Variants in PCDHA10 observed in about 807,000 individuals in gnomAD.
PCDHA10 encodes protocadherin alpha 10.
A neutral mutation model predicts 61.2 loss-of-function variants in PCDHA10; 45 were observed. The observed-to-expected ratio is 0.74, with a 90% CI of 0.58 to 0.94. The LOEUF (loss-of-function observed/expected upper bound fraction) is 0.94. Ranked by LOEUF, PCDHA10 falls within the 40% of genes least tolerant of loss-of-function variation. The probability of loss-of-function intolerance (pLI) is 0.00; values close to 1 mark genes in which losing one functional copy is unlikely to be tolerated. For synonymous variants in PCDHA10, 602 were observed against 548.8 expected, an observed-to-expected ratio of 1.10 and a Z score of -1.35; for missense variants, 1,278 against 1,236.2, an observed-to-expected ratio of 1.03 and a Z score of -0.51.
intron 1 of PCDHA10, among the ~76,000 whole-genome samples, chr5:140,898,172 G>A (rs1262400829): frequency 2.6e-5 from 4 of 152,162 alleles, no homozygotes; most frequent in African/African-American, 9.7e-5. Context: ...TTCTTTTGCT[G>A]TGCAGAAGCT....
chr5:140,935,057 G>A (rs2090168860), intron 1 of PCDHA10, among the ~76,000 whole-genome samples: 1 of 152,034 alleles, frequency 6.6e-6, no homozygotes, highest in Non-Finnish European at 1.5e-5. Flanking sequence ...ATTACAAGAT[G>A]TTCAGATTAT....
intron 1 of PCDHA10, chr5:140,875,435 A>G (rs1562696598): frequency 6.4e-7 from 1 of 1,563,788 alleles, no homozygotes; most frequent in East Asian, 2.3e-5. Context: ...GATCCCTTAA[A>G]ACTGATTGTC....
intron 1 of PCDHA10, among the ~76,000 whole-genome samples, chr5:140,885,154 T>C (rs1483016887): frequency 2.0e-5 from 3 of 152,168 alleles, no homozygotes; most frequent in African/African-American, 7.2e-5. Context: ...GTTTTGATTG[T>C]CTCTACTTTT....
At chr5:141,002,550 G>A (rs1458455103) in intron 3 of PCDHA10, among the ~76,000 whole-genome samples, 1 of 152,186 alleles carries the variant, frequency 6.6e-6, no homozygotes, top group African/African-American at 2.4e-5. Context: ...TGAGTCCCAG[G>A]ATCCACCAGT....
intron 1 of PCDHA10, among the ~76,000 whole-genome samples, chr5:140,886,261 T>C (rs1162814294): frequency 1.3e-5 from 2 of 152,036 alleles, no homozygotes; most frequent in African/African-American, 4.8e-5. Context: ...TCTCTATTTA[T>C]AGATAAAATT....
chr5:140,929,225 C>T (rs1249117880), intron 1 of PCDHA10: 2 of 1,613,724 alleles, frequency 1.2e-6, no homozygotes, highest in Non-Finnish European at 1.7e-6. Flanking sequence ...TACAATGCTG[C>T]CGACCTGCGA....
chr5:140,870,933 G>T, intron 1 of PCDHA10: 1 of 1,613,802 alleles, frequency 6.2e-7, no homozygotes, highest in Non-Finnish European at 8.5e-7. Flanking sequence ...CATATGAATT[G>T]CAGCCGGCGG....
At position 140,880,491 on chromosome 5, in the gene PCDHA10, A is replaced by G. The variant is rs570569134; in HGVS notation, c.2388+22055A>G. Among the ~76,000 whole-genome samples, 6 of 152,342 alleles carry G rather than the reference A, an allele frequency of 3.9e-5. No individual in the cohort carries two copies. In the South Asian group the frequency reaches 1.2e-3, roughly 32 times the overall value. On this transcript the variant is annotated intron_variant, in intron 1 of 3. Transcript: ENST00000307360. Reference sequence around the variant, plus strand: ...AGGAAAAATGACACAAGAAGAGAGCAATTGAATTTCTGTTTGGTCACATCT... The same window carrying G: ...AGGAAAAATGACACAAGAAGAGAGCGATTGAATTTCTGTTTGGTCACATCT...
intron 1 of PCDHA10, among the ~76,000 whole-genome samples, chr5:140,894,788 T>C (rs1217718306): frequency 2.0e-5 from 3 of 152,160 alleles, no homozygotes; most frequent in Admixed American, 1.3e-4. Flanking sequence ...TTATTTGTCC[T>C]CTCCTTTAAA....
chr5:140,927,960 C>G, intron 1 of PCDHA10: 2 of 1,614,196 alleles, frequency 1.2e-6, no homozygotes, highest in Non-Finnish European at 1.7e-6. Flanking sequence ...CTGCCCCTGG[C>G]ACAGTGATTG....
chr5:141,006,067 A>G (rs1202024176), intron 3 of PCDHA10, among the ~76,000 whole-genome samples: 4 of 151,950 alleles, frequency 2.6e-5, no homozygotes, highest in Admixed American at 6.6e-5. Flanking sequence ...AGAAATAAAA[A>G]TCAGATTATT....
intron 1 of PCDHA10, among the ~76,000 whole-genome samples, chr5:140,916,773 A>G (rs1584011849): frequency 6.6e-6 from 1 of 151,502 alleles, no homozygotes; most frequent in South Asian, 2.1e-4. Context: ...TGGCACAAGC[A>G]CTCCCTTAGC....
rs1015706913 is a variant in PCDHA10, at chr5:140,985,292, T to C, written c.2536+2729T>C. 2.0e-5 allele frequency among the ~76,000 whole-genome samples: 3 copies of C among 152,294 alleles called. No homozygotes were observed. The East Asian group carries it at 5.8e-4, about 29-fold the overall frequency. ...TACTTTTCTGCAATCTATGATATAG[T>C]GTTGGCTGATAGCCTGGTGGCCAGA... On this transcript the variant is annotated intron_variant, in intron 3 of 3. Transcript: ENST00000307360.
intron 1 of PCDHA10, among the ~76,000 whole-genome samples, chr5:140,938,685 C>CTT (rs1554212299): frequency 6.6e-6 from 1 of 151,964 alleles, no homozygotes; most frequent in African/African-American, 2.4e-5. Context: ...ATTTTCTTTA[C>CTT]AGTTTTTAAA....
At chr5:140,995,267 C>T (rs552857413) in intron 3 of PCDHA10, among the ~76,000 whole-genome samples, 1 of 152,192 alleles carries the variant, frequency 6.6e-6, no homozygotes, top group Non-Finnish European at 1.5e-5. Context: ...GAATACAAGC[C>T]CTTTGATACC....
intron 1 of PCDHA10, chr5:140,867,897 T>C (rs1402943903): frequency 6.6e-6 from 1 of 152,136 alleles, no homozygotes; most frequent in East Asian, 1.9e-4. Flanking sequence ...ATCAGGTACT[T>C]ACAGAAGGTA....
intron 3 of PCDHA10, among the ~76,000 whole-genome samples, chr5:140,997,698 ATGTT>A (rs1297045627): frequency 1.4e-5 from 2 of 145,558 alleles, no homozygotes; most frequent in African/African-American, 5.1e-5. Flanking sequence ...GTGTGTGTGT[ATGTT>A]AACAAACACC....
At chr5:140,926,708 C>T in intron 1 of PCDHA10, 2 of 896,260 alleles carry the variant, frequency 2.2e-6, no homozygotes, top group Non-Finnish European at 3.1e-6. Flanking sequence ...CCCAGCTGGC[C>T]AGCCCCGGCA....
At chr5:140,881,239 A>G in intron 1 of PCDHA10, 1 of 370,812 alleles carries the variant, frequency 2.7e-6, no homozygotes. Flanking sequence ...AGTCAATTTA[A>G]ATGACGGCAA....
Sources: gnomAD v4.1 joint callset for allele counts (sites outside exome capture counted in the v4.1 genomes callset) on GRCh38, gnomAD v4.1.1 for gene constraint, MANE v1.5 for transcripts, NCBI Gene and HGNC (gene_info 2026-07-23, HGNC 2026-07-21) for gene names.